SPATA16: variants seen among roughly 807,000 people sequenced by gnomAD.
SPATA16 encodes spermatogenesis-associated protein 16.
SPATA16 carries 36 observed loss-of-function variants against 63.3 expected under a neutral mutation model. That is an observed-to-expected ratio of 0.57 (90% CI 0.44 to 0.75). SPATA16 has a LOEUF of 0.75. Among genes scored for constraint, SPATA16 ranks in the 30% least tolerant of loss-of-function variants. SPATA16 has a pLI of 0.00. For synonymous variants in SPATA16, 203 were observed against 216.7 expected (o/e 0.94, Z 0.56); for missense variants, 646 against 679.3 (o/e 0.95, Z 0.54).
intron 6 of SPATA16, among the ~76,000 whole-genome samples, chr3:172,936,038 A>G (rs776006692): frequency 1.3e-4 from 20 of 152,152 alleles, no homozygotes; most frequent in Non-Finnish European, 2.5e-4. Flanking sequence ...CAAAGATACA[A>G]TTTTCAATGA....
intron 2 of SPATA16, among the ~76,000 whole-genome samples, chr3:173,077,867 A>G (rs1322317096): frequency 2.0e-5 from 3 of 152,176 alleles, no homozygotes; most frequent in Non-Finnish European, 2.9e-5. Flanking sequence ...CTGTTTGCCT[A>G]TTTGCTACTG....
In SPATA16 at chr3:172,979,627, G is replaced by A. The variant is rs997223564; in HGVS notation, c.849-2575C>T. ...CCATTGTAAAATTAGAATTTTTAGC[G>A]CTTTTATTAATGTTATGCCAAAGTT... On this transcript the variant is annotated intron_variant, in intron 4 of 10. Coordinates refer to ENST00000351008, the MANE Select transcript of SPATA16 (RefSeq NM_031955.6). 6.6e-5 allele frequency among the ~76,000 whole-genome samples: 10 copies of A among 152,012 alleles called. No homozygotes were observed. In the South Asian group the frequency reaches 1.0e-3, roughly 16 times the overall value.
intron 4 of SPATA16, among the ~76,000 whole-genome samples, chr3:172,986,404 G>A (rs1734459691): frequency 6.6e-6 from 1 of 152,068 alleles, no homozygotes; most frequent in African/African-American, 2.4e-5. Flanking sequence ...CTATCATTAA[G>A]GTCTAATGAG....
intron 4 of SPATA16, among the ~76,000 whole-genome samples, chr3:172,989,657 T>C (rs1734532515): frequency 6.6e-6 from 1 of 152,210 alleles, no homozygotes; most frequent in Non-Finnish European, 1.5e-5. Flanking sequence ...GTAAATGCCC[T>C]GTTAAATGTA....
chr3:172,966,542 A>G (rs924586659), intron 5 of SPATA16, among the ~76,000 whole-genome samples: 4 of 152,192 alleles, frequency 2.6e-5, no homozygotes, highest in Admixed American at 6.5e-5. Flanking sequence ...TCCTGAGAAA[A>G]ACGAAATCAT....
intron 2 of SPATA16, among the ~76,000 whole-genome samples, chr3:173,115,180 T>C (rs1737861778): frequency 6.6e-6 from 1 of 152,236 alleles, no homozygotes; most frequent in African/African-American, 2.4e-5. Flanking sequence ...ATTCAAATTT[T>C]ATAATTTTGA....
At chr3:172,954,723 G>A (rs1733531784) in intron 6 of SPATA16, among the ~76,000 whole-genome samples, 1 of 152,166 alleles carries the variant, frequency 6.6e-6, no homozygotes, top group African/African-American at 2.4e-5. Flanking sequence ...CATACAGTTA[G>A]TAACAGTTCT....
At chr3:173,031,682 T>A (rs1343747017) in intron 3 of SPATA16, among the ~76,000 whole-genome samples, 1 of 152,074 alleles carries the variant, frequency 6.6e-6, no homozygotes, top group Non-Finnish European at 1.5e-5. Flanking sequence ...GCAACAGTGC[T>A]GTCACTATAC....
intron 4 of SPATA16, among the ~76,000 whole-genome samples, chr3:172,995,052 A>T (rs1734665107): frequency 6.6e-6 from 1 of 152,114 alleles, no homozygotes; most frequent in East Asian, 1.9e-4. Context: ...TAAATATGGG[A>T]ATCATTAGTA....
chr3:173,088,780 C>G (rs186031005), intron 2 of SPATA16, among the ~76,000 whole-genome samples: 123 of 152,274 alleles, frequency 8.1e-4, no homozygotes, highest in African/African-American at 2.9e-3. Flanking sequence ...TAGGCAAGAA[C>G]ATAAACATTC....
chr3:172,913,872 A>G (rs1732424571), intron 9 of SPATA16, 128 bp from the exon 10 acceptor site: 6 of 790,464 alleles, frequency 7.6e-6, no homozygotes, highest in Admixed American at 2.1e-5. Flanking sequence ...CTTTCCTACA[A>G]TGAATATTGC....
chr3:173,022,869 A>G (rs1328296891), intron 3 of SPATA16, among the ~76,000 whole-genome samples: 3 of 152,174 alleles, frequency 2.0e-5, no homozygotes, highest in African/African-American at 7.2e-5. Context: ...AACAAGAACC[A>G]TGTTAGAGAC....
intron 3 of SPATA16, among the ~76,000 whole-genome samples, chr3:173,033,746 C>T (rs1735655743): frequency 1.3e-5 from 2 of 152,078 alleles, no homozygotes; most frequent in African/African-American, 2.4e-5. Context: ...ACTCTGACAC[C>T]CAGGCTGAAG....
intron 6 of SPATA16, among the ~76,000 whole-genome samples, chr3:172,951,495 T>TA (rs1733430885): frequency 1.5e-4 from 21 of 140,084 alleles, no homozygotes; most frequent in East Asian, 4.4e-4. Context: ...ATTTGATAAT[T>TA]TAAAAAAAAA....
At chr3:173,116,502 A>C (rs180670762) in intron 2 of SPATA16, among the ~76,000 whole-genome samples, 1 of 152,302 alleles carries the variant, frequency 6.6e-6, no homozygotes, top group Admixed American at 6.5e-5. Context: ...ATTTTAGTCC[A>C]TGGCTATTTT....
At chr3:173,125,487 T>G (rs11720607) in intron 1 of SPATA16, among the ~76,000 whole-genome samples, 34,211 of 152,100 alleles carry the variant, frequency 0.22, 4,629 homozygotes, top group African/African-American at 0.38. Flanking sequence ...TCCTCACATA[T>G]CTTTCCCCCT....
At chr3:173,043,892 A>G (rs972020331) in intron 3 of SPATA16, among the ~76,000 whole-genome samples, 12 of 152,022 alleles carry the variant, frequency 7.9e-5, no homozygotes, top group African/African-American at 2.9e-4. Flanking sequence ...TCTAGTTTAA[A>G]TTTTGCTTTC....
In SPATA16 at chr3:173,095,117, T is replaced by C. The variant is rs572299401; in HGVS notation, c.612+22003A>G. Among the ~76,000 whole-genome samples, 53 of 152,294 alleles carry C rather than the reference T, an allele frequency of 3.5e-4. 2 individuals are homozygous for C. The South Asian group carries it at 0.011, about 31-fold the overall frequency. On this transcript the variant is annotated intron_variant, in intron 2 of 10. Coordinates refer to ENST00000351008, the MANE Select transcript of SPATA16 (RefSeq NM_031955.6). ...CTACTTACTAGTAGGGTGATCTTTA[T>C]CAAGTTATCTGGCTTCTTAGAGCCT...
intron 10 of SPATA16, among the ~76,000 whole-genome samples, chr3:172,897,025 C>A (rs1732023596): frequency 6.6e-6 from 1 of 151,886 alleles, no homozygotes; most frequent in South Asian, 2.1e-4. Flanking sequence ...AGACCAAAAT[C>A]CTGTAGATTT....
Sources: allele counts gnomAD v4.1 joint callset (sites outside exome capture counted in the v4.1 genomes callset), GRCh38; gene constraint gnomAD v4.1.1; transcripts MANE v1.5; gene names NCBI Gene and HGNC (gene_info 2026-07-23, HGNC 2026-07-21).